IL1R2: variants seen among roughly 807,000 people sequenced by gnomAD.
IL1R2 encodes the protein interleukin-1 receptor type 2.
IL1R2 carries 46 observed loss-of-function variants against 39.5 expected under a neutral mutation model. That is an observed-to-expected ratio of 1.16 (90% CI 0.92 to 1.49). The LOEUF (loss-of-function observed/expected upper bound fraction) is 1.49, where lower values mean the gene tolerates loss of function less well. Among genes scored for constraint, IL1R2 ranks in the 40% most tolerant of loss-of-function variants. IL1R2 has a pLI of 0.00. For synonymous variants in IL1R2, 207 were observed against 189.6 expected (o/e 1.09, Z -0.75); for missense variants, 537 against 502.0 (o/e 1.07, Z -0.67).
chr2:102,000,990 C>T (rs11691240), intron 1 of IL1R2, among the ~76,000 whole-genome samples: 65,983 of 151,942 alleles, frequency 0.43, 14,465 homozygotes, highest in African/African-American at 0.46. Context: ...GCTTCCTCAT[C>T]AGTCATTTTG....
At chr2:102,010,471 G>A (rs1676557236) in intron 3 of IL1R2, among the ~76,000 whole-genome samples, 1 of 152,048 alleles carries the variant, frequency 6.6e-6, no homozygotes, top group Admixed American at 6.5e-5. Context: ...AGCTACTCAG[G>A]AGGCTGAGGC....
At chr2:102,002,855 T>A (rs1675981571) in intron 1 of IL1R2, among the ~76,000 whole-genome samples, 1 of 152,160 alleles carries the variant, frequency 6.6e-6, no homozygotes, top group Non-Finnish European at 1.5e-5. Context: ...TATGTCTGTG[T>A]CTAGGTCTAG....
chr2:102,015,089 TG>T (rs1437633435), intron 3 of IL1R2, among the ~76,000 whole-genome samples: 1 of 152,186 alleles, frequency 6.6e-6, no homozygotes, highest in African/African-American at 2.4e-5. Context: ...AGACTTCAGT[TG>T]GTAAATCATT....
chr2:101,994,664 G>A (rs1002259216), intron 1 of IL1R2, among the ~76,000 whole-genome samples: 2 of 152,216 alleles, frequency 1.3e-5, no homozygotes, highest in East Asian at 3.8e-4. Flanking sequence ...CCAAGCCTGT[G>A]GGGGAGCTAT....
chr2:102,016,880 A>G (rs913287989), intron 4 of IL1R2, among the ~76,000 whole-genome samples: 3 of 152,212 alleles, frequency 2.0e-5, no homozygotes, highest in Admixed American at 6.5e-5. Context: ...CCAATCCCCC[A>G]AAGAAACTGA....
chr2:102,004,255 A>G (rs1302794081), intron 1 of IL1R2, among the ~76,000 whole-genome samples: 2 of 152,148 alleles, frequency 1.3e-5, no homozygotes, highest in Admixed American at 6.6e-5. Context: ...TGTACTGTCT[A>G]TGACCAGAAG....
At chr2:102,015,789 G>C (rs1676958123) in intron 3 of IL1R2, 82 bp from the exon 4 acceptor site, 1 of 1,109,428 alleles carries the variant, frequency 9.0e-7, no homozygotes, top group East Asian at 2.4e-5. Flanking sequence ...TTTTAATAGA[G>C]TTGGGGAAAT....
Position 102,022,198 on chromosome 2 carries a change from G to A in IL1R2, c.700G>A (p.Glu234Lys). Reference protein sequence around the residue: ...IELRIKKKKEETIPVIISPLK... With the variant: ...IELRIKKKKEKTIPVIISPLK... ...TACATCTTTCTCAGAAAAAAAAGAAGAGACCATTCCTGTGATCATTTCCCC... is the reference window on the plus strand; with the variant it reads ...TACATCTTTCTCAGAAAAAAAAGAAAAGACCATTCCTGTGATCATTTCCCC... The change falls in exon 6 of 9, where the codon GAG becomes AAG. Residue 234 changes from glutamate to lysine, a missense_variant. Coordinates refer to ENST00000332549, the MANE Select transcript of IL1R2 (RefSeq NM_004633.4). 6.2e-7 allele frequency: 1 copy of A among 1,613,482 alleles called. No homozygotes were observed. Among genetic ancestry groups the A allele is most frequent in the African/African-American group, 1.3e-5 (1 of 75,024 alleles).
intron 4 of IL1R2, among the ~76,000 whole-genome samples, chr2:102,019,027 A>G (rs980144966): frequency 2.0e-5 from 3 of 152,182 alleles, no homozygotes; most frequent in African/African-American, 7.2e-5. Flanking sequence ...TTGTGTGCTC[A>G]TTAGGGTGTT....
At chr2:102,022,928 C>A (rs1444106670) in intron 6 of IL1R2, among the ~76,000 whole-genome samples, 1 of 152,176 alleles carries the variant, frequency 6.6e-6, no homozygotes, top group Non-Finnish European at 1.5e-5. Flanking sequence ...TCAATCTCAA[C>A]ATAGACCCTG....
intron 1 of IL1R2, among the ~76,000 whole-genome samples, chr2:102,004,065 A>C (rs1459576098): frequency 1.3e-5 from 2 of 149,778 alleles, no homozygotes; most frequent in Non-Finnish European, 3.0e-5. Flanking sequence ...GTGTGTAAAT[A>C]GAAAGAGAAG....
At position 102,028,269 on chromosome 2, in the gene IL1R2, A is replaced by G; in HGVS notation, c.1074A>G (p.Ser358=). 6.2e-7 allele frequency: 1 copy of G among 1,612,272 alleles called. No homozygotes were observed. Among genetic ancestry groups the G allele is most frequent in the Non-Finnish European group, 8.5e-7 (1 of 1,179,332 alleles). ...FSWGIVLAPL[S]LAFLVLGGIW... ...GGGGCATTGTGCTGGCCCCACTTTC[A>G]CTGGCCTTCTTGGTTTTGGGGGGAA... The change falls in exon 9 of 9, where the codon TCA becomes TCG. Residue 358 remains serine (S), a synonymous_variant. Coordinates refer to ENST00000332549, the MANE Select transcript of IL1R2 (RefSeq NM_004633.4).
chr2:102,010,783 T>C (rs1159600484), intron 3 of IL1R2, among the ~76,000 whole-genome samples: 4 of 152,096 alleles, frequency 2.6e-5, no homozygotes, highest in African/African-American at 9.7e-5. Context: ...AAATTTATCA[T>C]CTTAAACAGT....
chr2:102,019,762 A>G lies in IL1R2; in HGVS notation c.638A>G (p.His213Arg), dbSNP rs370953333. ...TACCGCTGTGTCCTGACATTTGCCC[A>G]TGAAGGCCAGCAATACAACATCACT... The part of the protein sequence containing the change: ...GYYRCVLTFA[H>R]EGQQYNITRS... Residue 213 changes from histidine to arginine, a missense_variant, in exon 5 of 9, where the codon CAT (histidine) becomes CGT (arginine). Transcript: ENST00000332549. 7.4e-5 allele frequency: 119 copies of G among 1,614,096 alleles called. No homozygotes were observed. Among genetic ancestry groups the G allele is most frequent in the Non-Finnish European group, 7.4e-5 (87 of 1,180,038 alleles).
chr2:102,011,774 T>A (rs1452548750), intron 3 of IL1R2, among the ~76,000 whole-genome samples: 1 of 152,248 alleles, frequency 6.6e-6, no homozygotes, highest in Non-Finnish European at 1.5e-5. Flanking sequence ...CCAGTTTATC[T>A]ATTTTTTTCT....
chr2:102,021,699 CTG>C (rs1016305943), intron 5 of IL1R2, among the ~76,000 whole-genome samples: 3 of 152,226 alleles, frequency 2.0e-5, no homozygotes, highest in African/African-American at 7.2e-5. Context: ...AACAAGGCCT[CTG>C]TGGCCGAGGC....
rs1055098290 is a variant in IL1R2 at position 102,016,078 on chromosome 2, C to T, written c.513+27C>T. 3.2e-6 allele frequency: 5 copies of T among 1,566,304 alleles called. No individual in the cohort carries two copies. The African/African-American group carries it at 6.8e-5, about 21-fold the overall frequency. On this transcript the variant is annotated intron_variant, in intron 4 of 8. Coordinates refer to ENST00000332549, the MANE Select transcript of IL1R2 (RefSeq NM_004633.4). The stretch of plus-strand genomic sequence containing the variant: ...TACGGCTTTAAAAAATGCCATTTTA[C>T]TAAAATGTGTTTTCTTTTTTTACTA...
At chr2:102,023,820 G>A (rs1387204206) in intron 6 of IL1R2, among the ~76,000 whole-genome samples, 1 of 152,082 alleles carries the variant, frequency 6.6e-6, no homozygotes, top group East Asian at 1.9e-4. Flanking sequence ...GGCCGAGGCA[G>A]GTGGATCACG....
chr2:101,992,470 G>C (rs1675391065), intron 1 of IL1R2, among the ~76,000 whole-genome samples: 1 of 150,334 alleles, frequency 6.7e-6, no homozygotes, highest in South Asian at 2.1e-4. Context: ...GACAGACAGA[G>C]AGACAGAGAG....
Sources: allele counts gnomAD v4.1 joint callset (sites outside exome capture counted in the v4.1 genomes callset), GRCh38; gene constraint gnomAD v4.1.1; transcripts MANE v1.5; gene names NCBI Gene and HGNC (gene_info 2026-07-23, HGNC 2026-07-21).